The following RELCH variants were observed in gnomAD, a reference collection of about 807,000 sequenced individuals.
RELCH encodes the protein RAB11-binding protein RELCH.
In RELCH, 41 loss-of-function variants were observed where a neutral mutation model predicts 150.3. The observed-to-expected ratio is 0.27, with a 90% CI of 0.21 to 0.35. The LOEUF is 0.35. RELCH is among the 10% of genes least tolerant of loss of function. RELCH has a pLI of 1.00. For missense variants in RELCH, 1,092 were observed against 1,467.8 expected (o/e 0.74, Z 4.18); for synonymous variants, 478 against 531.8 (o/e 0.90, Z 1.39).
At chr18:62,274,213 G>T in intron 21 of RELCH, 127 bp downstream of exon 21, 6 of 596,652 alleles carry the variant, frequency 1.0e-5, no homozygotes, top group South Asian at 2.1e-5. Flanking sequence ...GAAACTTAAG[G>T]GTTTTTTTGT....
In RELCH at chr18:62,306,994, A is replaced by G. The variant is rs1600322163; in HGVS notation, c.*1460A>G. The stretch of plus-strand genomic sequence containing the variant: ...TTATTTCATTTACCTACAGTGAAAT[A>G]ATTGTGAACTAAGTAGTCTTTCTGA... On this transcript the variant is annotated 3_prime_UTR_variant, in exon 29 of 29. Transcript: ENST00000644646. 6.6e-6 allele frequency: 1 copy of G among 152,662 alleles called. No homozygotes were observed. Among genetic ancestry groups the G allele is most frequent in the East Asian group, 1.9e-4 (1 of 5,206 alleles). The allele number at this position is 152,662 out of a possible 1,614,324, so 9.5% of individuals were successfully genotyped here. A position where few individuals can be genotyped will look rare whatever the true frequency, so the allele number is the denominator to read the frequency against.
intron 27 of RELCH, among the ~76,000 whole-genome samples, chr18:62,298,406 G>C (rs754723432): frequency 1.3e-5 from 2 of 152,170 alleles, no homozygotes; most frequent in Non-Finnish European, 2.9e-5. Flanking sequence ...CCTGGAGAAA[G>C]CAAAGGGGCG....
At chr18:62,291,182 T>G (rs1186973298) in intron 26 of RELCH, among the ~76,000 whole-genome samples, 1 of 152,240 alleles carries the variant, frequency 6.6e-6, no homozygotes, top group East Asian at 1.9e-4. Context: ...TCCCAAAACT[T>G]TCAACTTAGT....
At chr18:62,230,437 T>C (rs1430160425) in intron 8 of RELCH, among the ~76,000 whole-genome samples, 1 of 152,090 alleles carries the variant, frequency 6.6e-6, no homozygotes, top group Non-Finnish European at 1.5e-5. Flanking sequence ...TCATAGAAAT[T>C]ACTGAGCTCC....
chr18:62,270,786 C>T (rs1246666497), intron 20 of RELCH, among the ~76,000 whole-genome samples: 1 of 151,970 alleles, frequency 6.6e-6, no homozygotes, highest in East Asian at 1.9e-4. Flanking sequence ...TAAAGCTGTT[C>T]CTCCCCCTGC....
intron 1 of RELCH, among the ~76,000 whole-genome samples, chr18:62,195,417 C>T (rs887325254): frequency 7.9e-5 from 12 of 152,038 alleles, no homozygotes; most frequent in African/African-American, 2.2e-4. Flanking sequence ...TTGATGAACA[C>T]TGAGCAGGTT....
intron 11 of RELCH, among the ~76,000 whole-genome samples, chr18:62,249,140 A>T (rs1463043937): frequency 1.3e-5 from 2 of 152,188 alleles, no homozygotes; most frequent in Non-Finnish European, 2.9e-5. Context: ...GCTTTATGTA[A>T]TTTCAGTACT....
intron 16 of RELCH, among the ~76,000 whole-genome samples, chr18:62,262,377 A>G (rs2043318448): frequency 6.6e-6 from 1 of 152,072 alleles, no homozygotes; most frequent in Non-Finnish European, 1.5e-5. Context: ...GAAATTATCC[A>G]TGTCTCTTAC....
rs112608994 is a variant in RELCH, at chr18:62,224,054, G to A, written c.858+2557G>A. 3.0e-3 allele frequency among the ~76,000 whole-genome samples: 462 copies of A among 152,026 alleles called. 4 individuals carry two copies. The highest frequency in any genetic ancestry group is 0.01 in the African/African-American group (434 of 41,482). On this transcript the variant is annotated intron_variant, in intron 5 of 28. Coordinates refer to ENST00000644646, the MANE Select transcript of RELCH (RefSeq NM_001346231.2). The stretch of plus-strand genomic sequence containing the variant: ...TACATAGGTATACATGTGCCATGTT[G>A]GTTTGCTGCACCCATCACCTCGTCA...
intron 28 of RELCH, among the ~76,000 whole-genome samples, chr18:62,301,473 A>G (rs907557748): frequency 6.6e-6 from 1 of 152,250 alleles, no homozygotes; most frequent in Non-Finnish European, 1.5e-5. Context: ...ATAAATGTGC[A>G]TGGTTGTGTT....
chr18:62,220,350 C>A (rs1238265169), intron 2 of RELCH, among the ~76,000 whole-genome samples: 1 of 144,156 alleles, frequency 6.9e-6, no homozygotes. Flanking sequence ...AAAAATAAAA[C>A]CCTTGGGGTT....
chr18:62,189,387 T>A lies in RELCH; in HGVS notation c.526+1356T>A, dbSNP rs183285340. On this transcript the variant is annotated intron_variant, in intron 1 of 28. Transcript: ENST00000644646. ...CCTTTGTACATGCTTCCTCCAGGCT[T>A]AGGTAGTTGCTTGGTTTCTTTCATT... Among the ~76,000 whole-genome samples the A allele has an allele frequency of 5.3e-5, 8 of 152,140 alleles. No homozygotes were observed. In the East Asian group the frequency reaches 1.5e-3, roughly 29 times the overall value.
intron 28 of RELCH, among the ~76,000 whole-genome samples, chr18:62,302,193 G>A (rs56032326): frequency 0.16 from 24,665 of 152,226 alleles, 2,687 homozygotes; most frequent in Middle Eastern, 0.29. Flanking sequence ...ACATTTAAAC[G>A]GATGATGATA....
At chr18:62,296,543 G>A (rs1464853599) in intron 27 of RELCH, among the ~76,000 whole-genome samples, 2 of 151,812 alleles carry the variant, frequency 1.3e-5, no homozygotes, top group Admixed American at 6.6e-5. Flanking sequence ...CCAAGATCAC[G>A]CCATTGCACT....
At chr18:62,268,823 A>G in intron 19 of RELCH, 46 bp from the exon 20 acceptor site, 1 of 1,002,022 alleles carries the variant, frequency 1.0e-6, no homozygotes, top group Non-Finnish European at 1.4e-6. Flanking sequence ...TTTTCTTTAC[A>G]CTTAAAATAT....
At chr18:62,238,663 T>G (rs1486499141) in intron 10 of RELCH, among the ~76,000 whole-genome samples, 7 of 151,404 alleles carry the variant, frequency 4.6e-5, no homozygotes, top group Non-Finnish European at 5.9e-5. Context: ...GAGATGGGAG[T>G]GGAAATGAGG....
intron 20 of RELCH, among the ~76,000 whole-genome samples, chr18:62,272,141 T>C (rs1261430115): frequency 6.6e-6 from 1 of 152,182 alleles, no homozygotes; most frequent in Non-Finnish European, 1.5e-5. Context: ...ATGGATACTT[T>C]TCTGTTTGTA....
At chr18:62,190,740 G>C (rs2038570981) in intron 1 of RELCH, among the ~76,000 whole-genome samples, 1 of 152,082 alleles carries the variant, frequency 6.6e-6, no homozygotes, top group South Asian at 2.1e-4. Flanking sequence ...TTTTGGGCCT[G>C]GTAATGCTTT....
Position 62,231,196 on chromosome 18 carries a change from A to G in RELCH, c.1451A>G (p.Lys484Arg). 6.3e-7 allele frequency: 1 copy of G among 1,584,422 alleles called. No homozygotes were observed. Among genetic ancestry groups the G allele is most frequent in the East Asian group, 2.3e-5 (1 of 44,060 alleles). Residue 484 changes from lysine to arginine, a missense_variant and splice_region_variant, in exon 9 of 29, where the codon AAA (lysine) becomes AGA (arginine). Physicochemically the swap from Lys to Arg is conservative, Grantham distance 26. Coordinates refer to ENST00000644646, the MANE Select transcript of RELCH (RefSeq NM_001346231.2). ...KTVHFDKPNR[K>R]LSPAFHQALL... ...CTTTTTCATACATTTTCTTCTAGGA[A>G]ATTGTCTCCTGCATTCCATCAAGCA...
Sources: gnomAD v4.1 joint callset for allele counts (sites outside exome capture counted in the v4.1 genomes callset) on GRCh38, gnomAD v4.1.1 for gene constraint, MANE v1.5 for transcripts, NCBI Gene and HGNC (gene_info 2026-07-23, HGNC 2026-07-21) for gene names.